The following DMD variants were observed in gnomAD, a reference collection of about 807,000 sequenced individuals.
DMD encodes dystrophin, also known as mutant dystrophin.
DMD carries 63 observed loss-of-function variants against 330.1 expected under a neutral mutation model. That is an observed-to-expected ratio of 0.19 (90% CI 0.16 to 0.24). The LOEUF (loss-of-function observed/expected upper bound fraction) is 0.24. Among genes scored for constraint, DMD ranks in the 10% least tolerant of loss-of-function variants. The pLI is 1.00. For synonymous variants in DMD, 1,223 were observed against 959.8 expected (o/e 1.27, Z -5.07); for missense variants, 3,344 against 2,684.1 (o/e 1.25, Z -5.43).
chrX:32,831,640 A>G (rs1250198796), intron 4 of DMD, among the ~76,000 whole-genome samples: 1 of 97,900 alleles, frequency 1.0e-5, no homozygotes, highest in Non-Finnish European at 2.0e-5. Flanking sequence ...CATTCCTGTA[A>G]GATATTTACG....
chrX:33,335,069 T>C (rs1261001417), intron 1 of DMD, among the ~76,000 whole-genome samples: 1 of 111,081 alleles, frequency 9.0e-6, no homozygotes, highest in Non-Finnish European at 1.9e-5. Context: ...CTCTACTTTT[T>C]TCCTTCAAGT....
intron 44 of DMD, among the ~76,000 whole-genome samples, chrX:32,023,172 C>T (rs1380804915): frequency 2.7e-5 from 3 of 111,263 alleles, no homozygotes; most frequent in East Asian, 2.8e-4. Flanking sequence ...TTTGCAACTT[C>T]GGAAAAATTT....
At position 32,645,135 on chromosome X, in the gene DMD, T is replaced by C. The variant is rs778154286; in HGVS notation, c.978A>G (p.Glu326=). Reference sequence around the variant, plus strand: ...TCAATGAACTGCCAAATGACTTGTCTTCAGGAGCTTCCAAATGCTGCACAA... The same window carrying C: ...TCAATGAACTGCCAAATGACTTGTCCTCAGGAGCTTCCAAATGCTGCACAA... ...PFPSQHLEAP[E]DKSFGSSLME... is the part of the protein sequence containing the mutation. The change falls in exon 10 of 79, where the codon GAA becomes GAG. Residue 326 remains glutamate, a synonymous_variant. Coordinates refer to ENST00000357033, the MANE Select transcript of DMD (RefSeq NM_004006.3). The C allele has an allele frequency of 4.1e-6, 5 of 1,209,817 alleles. No homozygotes were observed. Among genetic ancestry groups the C allele is most frequent in the South Asian group, 1.8e-5 (1 of 56,820 alleles).
chrX:32,836,755 TTAATTTA>T (rs2079671591), intron 4 of DMD, among the ~76,000 whole-genome samples: 1 of 112,195 alleles, frequency 8.9e-6, no homozygotes, highest in Non-Finnish European at 1.9e-5. Context: ...TTAATCAAAC[TTAATTTA>T]TAAGTATATT....
chrX:31,214,629 C>T (rs916961626), intron 64 of DMD, among the ~76,000 whole-genome samples: 3 of 111,802 alleles, frequency 2.7e-5, no homozygotes, highest in Non-Finnish European at 5.6e-5. Context: ...TTGTGGCTGA[C>T]TGGGAGCTGA....
intron 44 of DMD, among the ~76,000 whole-genome samples, chrX:32,120,553 T>C (rs1441089409): frequency 8.9e-6 from 1 of 112,273 alleles, no homozygotes; most frequent in Non-Finnish European, 1.9e-5. Context: ...GCCCAGATGA[T>C]GCTGAAAGGT....
intron 2 of DMD, among the ~76,000 whole-genome samples, chrX:32,883,669 A>G (rs1419149427): frequency 9.3e-6 from 1 of 107,036 alleles, no homozygotes; most frequent in Non-Finnish European, 1.9e-5. Context: ...CTAAAAATAC[A>G]AAAAATTAGC....
At chrX:31,701,831 T>C (rs1003644903) in intron 52 of DMD, among the ~76,000 whole-genome samples, 1 of 112,303 alleles carries the variant, frequency 8.9e-6, no homozygotes, top group African/African-American at 3.2e-5. Flanking sequence ...CTAGAGCTAA[T>C]GAATCAAAAT....
chrX:32,721,867 C>T (rs2066355091), intron 7 of DMD, among the ~76,000 whole-genome samples: 1 of 108,394 alleles, frequency 9.2e-6, no homozygotes, highest in South Asian at 4.1e-4. Flanking sequence ...TTTTTGTGTA[C>T]AGTATAAGAC....
intron 60 of DMD, among the ~76,000 whole-genome samples, chrX:31,434,693 T>C (rs1386132534): frequency 3.6e-5 from 4 of 111,304 alleles, no homozygotes; most frequent in Admixed American, 2.9e-4. Flanking sequence ...AATGAATGAT[T>C]GAACAAAGGA....
rs139213617 is a variant in DMD at position 31,124,123 on chromosome X, G to A, written c.11047-2193C>T. Among the ~76,000 whole-genome samples the A allele has an allele frequency of 5.8e-4, 65 of 111,726 alleles. 1 individual carries two copies. Among genetic ancestry groups the A allele is most frequent in the African/African-American group, 2.1e-3 (64 of 30,809 alleles). ...ATTCTTAATGTGCCATGCACACTCC[G>A]ACAAAAAGTTGGGTGGCCTTTAACC... On this transcript the variant is annotated intron_variant, in intron 78 of 78. Coordinates refer to ENST00000357033, the MANE Select transcript of DMD (RefSeq NM_004006.3).
intron 33 of DMD, among the ~76,000 whole-genome samples, chrX:32,385,602 A>G (rs141949497): frequency 6.9e-3 from 241 of 34,880 alleles, no homozygotes; most frequent in South Asian, 0.012. Context: ...AACAGAGTGA[A>G]GAGACTACTT....
chrX:33,007,885 T>C (rs2093427678), intron 2 of DMD, among the ~76,000 whole-genome samples: 1 of 111,880 alleles, frequency 8.9e-6, no homozygotes, highest in Non-Finnish European at 1.9e-5. Context: ...GACTAGTTCC[T>C]ATGAAAAGTA....
In DMD at chrX:32,746,618, T is replaced by C. The variant is rs527891756; in HGVS notation, c.650-47325A>G. Among the ~76,000 whole-genome samples, 41 of 112,285 alleles carry C rather than the reference T, an allele frequency of 3.7e-4. 1 individual carries two copies. The highest frequency in any genetic ancestry group is 9.2e-3 in the Middle Eastern group (2 of 218). On this transcript the variant is annotated intron_variant, in intron 7 of 78. Coordinates refer to ENST00000357033, the MANE Select transcript of DMD (RefSeq NM_004006.3). ...ATATTTAGGAGGTACAGAGTGATAT[T>C]TTCCTATATGAATATAACATGTAAT...
chrX:31,679,732 G>A (rs962549943), intron 52 of DMD, 146 bp from the exon 53 acceptor site: 1 of 515,398 alleles, frequency 1.9e-6, no homozygotes, highest in African/African-American at 2.4e-5. Context: ...ATGAACAACA[G>A]GATTCTTTGC....
intron 7 of DMD, among the ~76,000 whole-genome samples, chrX:32,727,842 C>T (rs2147988483): frequency 9.0e-6 from 1 of 111,157 alleles, no homozygotes; most frequent in East Asian, 2.8e-4. Flanking sequence ...AACATGATTA[C>T]TAGAAAATGT....
intron 9 of DMD, among the ~76,000 whole-genome samples, chrX:32,693,797 C>G (rs896304657): frequency 2.0e-4 from 22 of 111,303 alleles, no homozygotes; most frequent in African/African-American, 7.2e-4. Context: ...CTTTTACTGT[C>G]GTTTGAACCT....
intron 1 of DMD, among the ~76,000 whole-genome samples, chrX:33,182,907 C>T (rs73621892): frequency 1.1e-3 from 122 of 111,689 alleles, no homozygotes; most frequent in African/African-American, 3.8e-3. Context: ...GAACATGAAC[C>T]TTTAACACAT....
intron 2 of DMD, among the ~76,000 whole-genome samples, chrX:32,952,989 G>A (rs1030993861): frequency 2.7e-5 from 3 of 109,652 alleles, no homozygotes; most frequent in African/African-American, 1.0e-4. Context: ...ACAAAAAATA[G>A]TTGGGTGGCT....
Sources: allele counts gnomAD v4.1 joint callset (sites outside exome capture counted in the v4.1 genomes callset), GRCh38; gene constraint gnomAD v4.1.1; transcripts MANE v1.5; gene names NCBI Gene and HGNC (gene_info 2026-07-23, HGNC 2026-07-21).